RIT2: variants seen among roughly 807,000 people sequenced by gnomAD.
RIT2 encodes the protein GTP-binding protein Rit2.
In RIT2, 24 loss-of-function variants were observed where a neutral mutation model predicts 23.7. The observed-to-expected ratio is 1.01, with a 90% CI of 0.73 to 1.43. The LOEUF (loss-of-function observed/expected upper bound fraction) is 1.43, where lower values mean the gene tolerates loss of function less well. Ranked by LOEUF, RIT2 falls within the 40% of genes most tolerant of loss-of-function variation. The pLI, the probability that RIT2 is intolerant of heterozygous loss-of-function variation, is 0.00. For missense variants in RIT2, 236 were observed against 266.9 expected (o/e 0.88, Z 0.81); for synonymous variants, 107 against 91.1 (o/e 1.17, Z -0.99).
intron 4 of RIT2, among the ~76,000 whole-genome samples, chr18:42,894,657 GAAT>G (rs1568023876): frequency 6.6e-6 from 1 of 152,040 alleles, no homozygotes; most frequent in Non-Finnish European, 1.5e-5. Context: ...CTCTAAAAAG[GAAT>G]AATGAGAGCA....
intron 2 of RIT2, among the ~76,000 whole-genome samples, chr18:43,033,558 CT>C (rs1262956314): frequency 2.6e-5 from 4 of 152,048 alleles, no homozygotes; most frequent in African/African-American, 9.7e-5. Context: ...ACTGAAATCA[CT>C]TAATGGATTC....
At chr18:42,935,277 G>A (rs1159705005) in intron 3 of RIT2, among the ~76,000 whole-genome samples, 1 of 152,162 alleles carries the variant, frequency 6.6e-6, no homozygotes, top group Non-Finnish European at 1.5e-5. Context: ...AGATGACTCC[G>A]AATTGCTTCA....
rs543323735 is a variant in RIT2 at position 42,945,493 on chromosome 18, T to C, written c.235-21730A>G. Among the ~76,000 whole-genome samples, 6 of 152,308 alleles carry C rather than the reference T, an allele frequency of 3.9e-5. No homozygotes were observed. In the East Asian group the frequency reaches 1.2e-3, roughly 29 times the overall value. ...CCGTTAGAATATCACAGGCTGAACA[T>C]GCGTCCAAGAATGTGTGCGAATTTG... On this transcript the variant is annotated intron_variant, in intron 3 of 4. Coordinates refer to ENST00000326695, the MANE Select transcript of RIT2 (RefSeq NM_002930.4).
intron 2 of RIT2, among the ~76,000 whole-genome samples, chr18:42,979,139 A>T (rs1910538911): frequency 6.6e-6 from 1 of 152,128 alleles, no homozygotes; most frequent in Non-Finnish European, 1.5e-5. Flanking sequence ...AATAACTAGA[A>T]ATATAAAGTT....
chr18:42,813,746 C>A (rs572988503), intron 4 of RIT2, among the ~76,000 whole-genome samples: 2 of 152,240 alleles, frequency 1.3e-5, no homozygotes, highest in African/African-American at 4.8e-5. Context: ...CTGACTCAGG[C>A]GGACAGAGCA....
chr18:42,865,352 T>C (rs1391362539), intron 4 of RIT2, among the ~76,000 whole-genome samples: 1 of 152,190 alleles, frequency 6.6e-6, no homozygotes, highest in African/African-American at 2.4e-5. Flanking sequence ...GCTATTGTTA[T>C]TACCAGCACA....
At chr18:42,866,603 C>A (rs959111349) in intron 4 of RIT2, among the ~76,000 whole-genome samples, 1 of 150,264 alleles carries the variant, frequency 6.7e-6, no homozygotes, top group Non-Finnish European at 1.5e-5. Context: ...CGTCATTAAC[C>A]ATGATAATTA....
intron 1 of RIT2, among the ~76,000 whole-genome samples, chr18:43,087,632 G>T (rs970837819): frequency 6.6e-6 from 1 of 152,140 alleles, no homozygotes; most frequent in South Asian, 2.1e-4. Flanking sequence ...TATTTCAAAG[G>T]TGTCCTTCAT....
intron 2 of RIT2, among the ~76,000 whole-genome samples, chr18:42,999,429 C>A (rs1289139101): frequency 6.6e-6 from 1 of 151,924 alleles, no homozygotes; most frequent in Non-Finnish European, 1.5e-5. Flanking sequence ...AAGTGAAGTC[C>A]CTGCCTATGA....
At chr18:42,997,784 G>T (rs149919061) in intron 2 of RIT2, among the ~76,000 whole-genome samples, 359 of 152,248 alleles carry the variant, frequency 2.4e-3, no homozygotes, top group Non-Finnish European at 4.2e-3. Context: ...CCATCTCAAG[G>T]TGTTCCCACC....
intron 4 of RIT2, among the ~76,000 whole-genome samples, chr18:42,908,048 G>A (rs73473614): frequency 0.19 from 29,117 of 150,484 alleles, 3,158 homozygotes; most frequent in African/African-American, 0.29. Flanking sequence ...AAAAGACATG[G>A]AAAATCTCAG....
At chr18:42,965,033 T>C (rs1351608726) in intron 3 of RIT2, among the ~76,000 whole-genome samples, 1 of 152,202 alleles carries the variant, frequency 6.6e-6, no homozygotes, top group East Asian at 1.9e-4. Flanking sequence ...TAATGACATT[T>C]TCTCTTAATC....
chr18:42,783,251 C>G (rs1000841320), intron 4 of RIT2, among the ~76,000 whole-genome samples: 1 of 151,904 alleles, frequency 6.6e-6, no homozygotes, highest in Non-Finnish European at 1.5e-5. Flanking sequence ...CTACAGAAAG[C>G]CACTCCAAAA....
intron 3 of RIT2, among the ~76,000 whole-genome samples, chr18:42,944,435 C>T (rs1163177850): frequency 2.0e-5 from 3 of 151,944 alleles, no homozygotes; most frequent in Admixed American, 6.6e-5. Context: ...CAGCAATGTC[C>T]CCTAGCCTGA....
intron 2 of RIT2, among the ~76,000 whole-genome samples, chr18:42,984,658 C>G (rs865930871): frequency 6.6e-6 from 1 of 151,768 alleles, no homozygotes; most frequent in African/African-American, 2.4e-5. Context: ...TATAATTCCA[C>G]GTGAAATTAT....
chr18:42,861,834 G>C (rs539801905), intron 4 of RIT2, among the ~76,000 whole-genome samples: 24 of 152,140 alleles, frequency 1.6e-4, no homozygotes, highest in African/African-American at 4.6e-4. Context: ...TGCTAAACAG[G>C]GGCTAAACAA....
At chr18:42,868,494 ATG>A (rs1907532072) in intron 4 of RIT2, among the ~76,000 whole-genome samples, 2 of 152,366 alleles carry the variant, frequency 1.3e-5, no homozygotes, top group East Asian at 1.9e-4. Flanking sequence ...TACATGATGG[ATG>A]TAACAAACAT....
chr18:43,098,843 G>A (rs1410304842), intron 1 of RIT2, among the ~76,000 whole-genome samples: 1 of 151,966 alleles, frequency 6.6e-6, no homozygotes, highest in Non-Finnish European at 1.5e-5. Context: ...TTAAATGCTG[G>A]TAGCAAGATC....
intron 4 of RIT2, among the ~76,000 whole-genome samples, chr18:42,764,933 TC>T (rs1913386385): frequency 6.6e-6 from 1 of 152,216 alleles, no homozygotes; most frequent in Non-Finnish European, 1.5e-5. Flanking sequence ...CATTTGAGAG[TC>T]CATTTATCTA....
Sources: gnomAD v4.1 joint callset for allele counts (sites outside exome capture counted in the v4.1 genomes callset) on GRCh38, gnomAD v4.1.1 for gene constraint, MANE v1.5 for transcripts, NCBI Gene and HGNC (gene_info 2026-07-23, HGNC 2026-07-21) for gene names.